The following COL19A1 variants were observed in gnomAD, a reference collection of about 807,000 sequenced individuals.
COL19A1 encodes collagen alpha-1(XIX) chain.
COL19A1 carries 159 observed loss-of-function variants against 190.2 expected under a neutral mutation model. The observed-to-expected ratio is 0.84, with a 90% CI of 0.73 to 0.95. The LOEUF is 0.95. Ranked by LOEUF, COL19A1 falls within the 40% of genes least tolerant of loss-of-function variation. The pLI is 0.00. For synonymous variants in COL19A1, 509 were observed against 458.9 expected, an observed-to-expected ratio of 1.11 and a Z score of -1.39; for missense variants, 1,418 against 1,431.9, an observed-to-expected ratio of 0.99 and a Z score of 0.16.
At chr6:69,993,101 G>T (rs1262049838) in intron 11 of COL19A1, among the ~76,000 whole-genome samples, 1 of 152,132 alleles carries the variant, frequency 6.6e-6, no homozygotes, top group African/African-American at 2.4e-5. Flanking sequence ...TTTTGTCATA[G>T]ATGACTCTTA....
At chr6:70,083,380 T>C (rs747046484) in intron 15 of COL19A1, among the ~76,000 whole-genome samples, 1 of 152,178 alleles carries the variant, frequency 6.6e-6, no homozygotes, top group Admixed American at 6.5e-5. Flanking sequence ...TTTTAAGGCA[T>C]AATTTTTTGT....
At chr6:70,164,826 C>G (rs1387832829) in intron 36 of COL19A1, among the ~76,000 whole-genome samples, 2 of 152,138 alleles carry the variant, frequency 1.3e-5, no homozygotes, top group African/African-American at 4.8e-5. Flanking sequence ...CACATCAAAG[C>G]AGTTTGGGAA....
chr6:70,190,169 G>T, intron 47 of COL19A1, 146 bp from the exon 48 acceptor site: 1 of 641,126 alleles, frequency 1.6e-6, no homozygotes, highest in Non-Finnish European at 2.8e-6. Context: ...GATATTTATT[G>T]CCCAATATAA....
chr6:70,159,301 T>G (rs1028612656), intron 34 of COL19A1, among the ~76,000 whole-genome samples: 18 of 152,190 alleles, frequency 1.2e-4, no homozygotes, highest in African/African-American at 4.1e-4. Context: ...ATGAAAATTT[T>G]TTTACTTTGC....
chr6:69,967,772 A>C (rs1444312041), intron 11 of COL19A1, among the ~76,000 whole-genome samples: 1 of 152,180 alleles, frequency 6.6e-6, no homozygotes, highest in Non-Finnish European at 1.5e-5. Context: ...TAGTGGTTGC[A>C]AATATTTTTT....
chr6:69,966,476 C>A (rs1359700307), intron 11 of COL19A1, among the ~76,000 whole-genome samples: 1 of 152,166 alleles, frequency 6.6e-6, no homozygotes, highest in African/African-American at 2.4e-5. Flanking sequence ...TACCCCCAAC[C>A]CCGTGCTCTC....
At chr6:70,008,774 A>G (rs1323191525) in intron 11 of COL19A1, among the ~76,000 whole-genome samples, 1 of 152,002 alleles carries the variant, frequency 6.6e-6, no homozygotes, top group African/African-American at 2.4e-5. Context: ...GCACACACAC[A>G]CACACATATA....
At chr6:70,084,515 T>C (rs1043488838) in intron 15 of COL19A1, among the ~76,000 whole-genome samples, 3 of 152,228 alleles carry the variant, frequency 2.0e-5, no homozygotes, top group Non-Finnish European at 4.4e-5. Context: ...GTTTAACCAA[T>C]GTAGAGGAAA....
At chr6:70,034,435 G>A in intron 13 of COL19A1, 137 bp downstream of exon 13, 2 of 641,784 alleles carry the variant, frequency 3.1e-6, no homozygotes, top group Non-Finnish European at 5.7e-6. Flanking sequence ...AATAGCATCT[G>A]AATAAGAACA....
intron 18 of COL19A1, among the ~76,000 whole-genome samples, chr6:70,130,876 C>G (rs1369260515): frequency 6.6e-6 from 1 of 152,204 alleles, no homozygotes; most frequent in African/African-American, 2.4e-5. Flanking sequence ...CAAAATGCCT[C>G]AAGCCCAGGC....
chr6:70,144,853 C>A, intron 24 of COL19A1, 65 bp from the exon 25 acceptor site: 1 of 1,001,112 alleles, frequency 1.0e-6, no homozygotes, highest in Non-Finnish European at 1.5e-6. Context: ...ATGGAAACCA[C>A]TACCTCCTCA....
chr6:70,189,203 T>C (rs1290300157), intron 47 of COL19A1, among the ~76,000 whole-genome samples: 1 of 152,240 alleles, frequency 6.6e-6, no homozygotes, highest in African/African-American at 2.4e-5. Context: ...AGCACCATTA[T>C]GTTAGGAAAC....
At chr6:69,891,515 C>T (rs1769349283) in intron 2 of COL19A1, among the ~76,000 whole-genome samples, 1 of 152,094 alleles carries the variant, frequency 6.6e-6, no homozygotes, top group South Asian at 2.1e-4. Context: ...AGCAGGCATG[C>T]CTGGTTTTCT....
chr6:70,134,758 C>T (rs757646582), intron 18 of COL19A1, among the ~76,000 whole-genome samples: 5 of 152,228 alleles, frequency 3.3e-5, no homozygotes, highest in Non-Finnish European at 5.9e-5. Context: ...CTAGTATCAA[C>T]TCTCACAGCA....
chr6:70,147,808 T>C (rs1312089491), intron 27 of COL19A1, among the ~76,000 whole-genome samples: 4 of 152,268 alleles, frequency 2.6e-5, no homozygotes, highest in East Asian at 1.9e-4. Flanking sequence ...AGAGGCCAAC[T>C]GCATATCTGG....
At chr6:70,053,966 G>T (rs1162109108) in intron 14 of COL19A1, among the ~76,000 whole-genome samples, 10 of 152,120 alleles carry the variant, frequency 6.6e-5, no homozygotes, top group Non-Finnish European at 1.0e-4. Context: ...CAAATGTTCT[G>T]CAGAATTAAC....
At position 70,207,360 on chromosome 6, in the gene COL19A1, G is replaced by T. The variant is rs1023346239; in HGVS notation, c.*86G>T. 115 of 759,198 alleles carry T rather than the reference G, an allele frequency of 1.5e-4. No individual in the cohort carries two copies. The South Asian group carries it at 1.8e-3, about 12-fold the overall frequency. The allele number at this position is 759,198 out of a possible 1,614,324, so 47.0% of individuals were successfully genotyped here. The stretch of plus-strand genomic sequence containing the variant: ...ACCGTCAAACCCTCATCATCTGTGG[G>T]TTGCTTTTTTTTTTTTTTTTTTTTT... On this transcript the variant is annotated 3_prime_UTR_variant, in exon 51 of 51. Coordinates refer to ENST00000620364, the MANE Select transcript of COL19A1 (RefSeq NM_001858.6).
intron 14 of COL19A1, among the ~76,000 whole-genome samples, chr6:70,046,175 A>C (rs1779904170): frequency 6.6e-6 from 1 of 152,196 alleles, no homozygotes; most frequent in Non-Finnish European, 1.5e-5. Context: ...TTCAAAAAAT[A>C]TCTAGAATCT....
intron 4 of COL19A1, among the ~76,000 whole-genome samples, chr6:69,917,120 C>T (rs957689699): frequency 1.3e-5 from 2 of 152,178 alleles, no homozygotes; most frequent in Non-Finnish European, 2.9e-5. Flanking sequence ...TATGAAGACA[C>T]TTTTGGTGAA....
Sources: allele counts gnomAD v4.1 joint callset (sites outside exome capture counted in the v4.1 genomes callset), GRCh38; gene constraint gnomAD v4.1.1; transcripts MANE v1.5; gene names NCBI Gene and HGNC (gene_info 2026-07-23, HGNC 2026-07-21).